SPAG16: variants seen among roughly 807,000 people sequenced by gnomAD.
SPAG16 encodes sperm-associated antigen 16 protein.
SPAG16 carries 86 observed loss-of-function variants against 80.4 expected under a neutral mutation model. The ratio of observed to expected loss-of-function variants is 1.07; its 90% confidence interval spans 0.90 to 1.28. The LOEUF (loss-of-function observed/expected upper bound fraction) is 1.28, where lower values mean the gene tolerates loss of function less well. Among genes scored for constraint, SPAG16 ranks in the 50% most tolerant of loss-of-function variants. The pLI, the probability that SPAG16 is intolerant of heterozygous loss-of-function variation, is 0.00. For missense variants in SPAG16, 870 were observed against 765.3 expected, an observed-to-expected ratio of 1.14 and a Z score of -1.61; for synonymous variants, 294 against 265.9, an observed-to-expected ratio of 1.11 and a Z score of -1.03.
chr2:214,103,083 T>C (rs1233030583), intron 13 of SPAG16, among the ~76,000 whole-genome samples: 1 of 152,108 alleles, frequency 6.6e-6, no homozygotes, highest in African/African-American at 2.4e-5. Context: ...TCTGAGGTTT[T>C]TTCCTTTCTC....
At chr2:214,380,891 G>T (rs1236715643) in intron 15 of SPAG16, among the ~76,000 whole-genome samples, 2 of 152,180 alleles carry the variant, frequency 1.3e-5, no homozygotes, top group African/African-American at 4.8e-5. Context: ...CTCTCCAGAG[G>T]AGAATTTATT....
chr2:213,310,597 TATAGTGTAATG>T (rs1368271672), intron 4 of SPAG16, among the ~76,000 whole-genome samples: 2 of 151,954 alleles, frequency 1.3e-5, no homozygotes, highest in African/African-American at 4.8e-5. Flanking sequence ...TTGTTTTATT[TATAGTGTAATG>T]GCTTGTCTTT....
At chr2:214,208,962 G>A (rs1451705377) in intron 15 of SPAG16, among the ~76,000 whole-genome samples, 2 of 151,970 alleles carry the variant, frequency 1.3e-5, no homozygotes, top group Non-Finnish European at 2.9e-5. Context: ...TTATGGTTAC[G>A]GGATGAAGTT....
At chr2:214,223,303 A>G (rs1310181338) in intron 15 of SPAG16, among the ~76,000 whole-genome samples, 3 of 152,170 alleles carry the variant, frequency 2.0e-5, no homozygotes, top group Non-Finnish European at 2.9e-5. Context: ...AATAATGAAT[A>G]CTAAATTACT....
intron 12 of SPAG16, among the ~76,000 whole-genome samples, chr2:213,932,246 T>C (rs895183354): frequency 6.7e-6 from 1 of 149,302 alleles, no homozygotes; most frequent in African/African-American, 2.5e-5. Context: ...AATCTTGTTC[T>C]GTCACCCAGG....
intron 3 of SPAG16, among the ~76,000 whole-genome samples, chr2:213,305,410 C>T (rs528540713): frequency 3.9e-4 from 60 of 152,134 alleles, no homozygotes; most frequent in Non-Finnish European, 6.9e-4. Context: ...ATAGTGGTGA[C>T]GATGGGCATC....
At chr2:213,825,189 T>A (rs887670174) in intron 10 of SPAG16, among the ~76,000 whole-genome samples, 1 of 152,160 alleles carries the variant, frequency 6.6e-6, no homozygotes, top group Non-Finnish European at 1.5e-5. Flanking sequence ...ATTTGAATTC[T>A]TTCTTTCCAA....
chr2:213,895,013 A>AAAAAAAAAAAAAAAAAAAAAAAAAAAC, intron 11 of SPAG16, among the ~76,000 whole-genome samples: 1 of 137,060 alleles, frequency 7.3e-6, no homozygotes, highest in African/African-American at 2.6e-5. Flanking sequence ...AAAAAAAAAA[A>AAAAAAAAAAAAAAAAAAAAAAAAAAAC]AAAAAACTGA....
intron 10 of SPAG16, among the ~76,000 whole-genome samples, chr2:213,501,922 T>C (rs1415156868): frequency 2.0e-5 from 3 of 152,228 alleles, no homozygotes; most frequent in African/African-American, 7.2e-5. Flanking sequence ...TCCTGAAAAT[T>C]GTTAATTAAC....
chr2:213,985,446 A>G (rs1196839613), intron 12 of SPAG16, among the ~76,000 whole-genome samples: 1 of 152,140 alleles, frequency 6.6e-6, no homozygotes, highest in African/African-American at 2.4e-5. Context: ...CCATTCTGAC[A>G]TTCAAATACT....
intron 15 of SPAG16, among the ~76,000 whole-genome samples, chr2:214,304,638 C>G (rs1038290973): frequency 3.3e-5 from 5 of 152,158 alleles, no homozygotes; most frequent in African/African-American, 1.2e-4. Context: ...CTTCACACCT[C>G]TATATTTCTG....
chr2:214,318,969 T>G (rs1695887667), intron 15 of SPAG16, among the ~76,000 whole-genome samples: 1 of 152,148 alleles, frequency 6.6e-6, no homozygotes, highest in African/African-American at 2.4e-5. Context: ...ATCTTACTTT[T>G]TACGTTATTT....
chr2:213,840,818 T>A (rs1045090046), intron 10 of SPAG16, among the ~76,000 whole-genome samples: 3 of 152,018 alleles, frequency 2.0e-5, no homozygotes, highest in Non-Finnish European at 4.4e-5. Flanking sequence ...AGTGGAAAAT[T>A]ATAGTGTGTG....
At chr2:213,575,399 G>A (rs2060089025) in intron 10 of SPAG16, among the ~76,000 whole-genome samples, 1 of 151,638 alleles carries the variant, frequency 6.6e-6, no homozygotes, top group Non-Finnish European at 1.5e-5. Flanking sequence ...AAAATTAAAG[G>A]GTATTTATTG....
chr2:214,050,291 T>TA (rs35606696), intron 13 of SPAG16, among the ~76,000 whole-genome samples: 123 of 143,432 alleles, frequency 8.6e-4, no homozygotes, highest in Admixed American at 1.5e-3. Context: ...GGGCCCCAGC[T>TA]AAAAAAAAAA....
intron 1 of SPAG16, among the ~76,000 whole-genome samples, chr2:213,287,645 T>A (rs1423832583): frequency 6.6e-6 from 1 of 152,194 alleles, no homozygotes; most frequent in Non-Finnish European, 1.5e-5. Context: ...GGTGTAAGTT[T>A]ACTGGCCAAT....
chr2:213,910,912 T>C (rs2077634646), intron 11 of SPAG16, among the ~76,000 whole-genome samples: 1 of 152,138 alleles, frequency 6.6e-6, no homozygotes, highest in Non-Finnish European at 1.5e-5. Flanking sequence ...AAATAAACTG[T>C]CCAAGATCAT....
chr2:213,947,852 T>C (rs2079543123), intron 12 of SPAG16, among the ~76,000 whole-genome samples: 1 of 152,148 alleles, frequency 6.6e-6, no homozygotes, highest in African/African-American at 2.4e-5. Context: ...AACCGTATAG[T>C]AAGTCTTAAA....
In SPAG16 at chr2:213,602,441, G is replaced by A. The variant is rs188404519; in HGVS notation, c.1070+112351G>A. ...GAGGTCAAGAGATCAAGACCATCCT[G>A]GCCAACATGGTGGAACCCCGTCTCT... is the stretch of plus-strand genomic sequence containing the variant. On this transcript the variant is annotated intron_variant, in intron 10 of 15. Coordinates refer to ENST00000331683, the MANE Select transcript of SPAG16 (RefSeq NM_024532.5). 2.6e-5 allele frequency among the ~76,000 whole-genome samples: 4 copies of A among 152,242 alleles called. No homozygotes were observed. In the East Asian group the frequency reaches 7.7e-4, roughly 29 times the overall value.
Sources: gnomAD v4.1 joint callset for allele counts (sites outside exome capture counted in the v4.1 genomes callset) on GRCh38, gnomAD v4.1.1 for gene constraint, MANE v1.5 for transcripts, NCBI Gene and HGNC (gene_info 2026-07-23, HGNC 2026-07-21) for gene names.